Variants in PPM1H observed in about 807,000 individuals in gnomAD.
PPM1H encodes protein phosphatase, Mg2+/Mn2+ dependent 1H.
PPM1H carries 27 observed loss-of-function variants against 54.9 expected under a neutral mutation model. That is an observed-to-expected ratio of 0.49 (90% CI 0.36 to 0.68). PPM1H has a LOEUF of 0.68. Among genes scored for constraint, PPM1H ranks in the 30% least tolerant of loss-of-function variants. The pLI, the probability that PPM1H is intolerant of heterozygous loss-of-function variation, is 0.00. For missense variants in PPM1H, 596 were observed against 667.8 expected (o/e 0.89, Z 1.19); for synonymous variants, 305 against 270.8 (o/e 1.13, Z -1.24).
chr12:62,711,774 C>T (rs1242465466), intron 6 of PPM1H, among the ~76,000 whole-genome samples: 1 of 152,192 alleles, frequency 6.6e-6, no homozygotes, highest in Non-Finnish European at 1.5e-5. Context: ...TGTGTGAGTG[C>T]ATTCATGCGT....
At chr12:62,882,061 T>G (rs1870415697) in intron 1 of PPM1H, among the ~76,000 whole-genome samples, 1 of 152,176 alleles carries the variant, frequency 6.6e-6, no homozygotes, top group Non-Finnish European at 1.5e-5. Context: ...AAAAACAAAG[T>G]AAGTCAAATA....
chr12:62,778,557 G>A (rs565053543), intron 4 of PPM1H, among the ~76,000 whole-genome samples: 2 of 152,282 alleles, frequency 1.3e-5, no homozygotes, highest in East Asian at 1.9e-4. Flanking sequence ...CTAGGTCCTC[G>A]AGTGCCTGAA....
intron 8 of PPM1H, among the ~76,000 whole-genome samples, chr12:62,673,713 C>CTTTTTTTTTTTTTTTTT (rs1192243731): frequency 1.1e-4 from 5 of 47,570 alleles, no homozygotes; most frequent in Non-Finnish European, 2.2e-4. Context: ...AGAAGAGCCA[C>CTTTTTTTTTTTTTTTTT]TCTTTTTTTT....
intron 5 of PPM1H, among the ~76,000 whole-genome samples, chr12:62,730,637 C>T (rs1035568476): frequency 2.0e-5 from 3 of 152,008 alleles, no homozygotes; most frequent in African/African-American, 7.3e-5. Context: ...ACGAATTTTC[C>T]GTGTACAATA....
At chr12:62,734,973 G>C (rs1006461592) in intron 5 of PPM1H, among the ~76,000 whole-genome samples, 1 of 152,178 alleles carries the variant, frequency 6.6e-6, no homozygotes, top group African/African-American at 2.4e-5. Context: ...GGGCCTAGGA[G>C]GTTGAGGCCA....
intron 6 of PPM1H, among the ~76,000 whole-genome samples, chr12:62,698,119 T>TGG (rs1305935836): frequency 6.6e-6 from 1 of 151,868 alleles, no homozygotes; most frequent in Non-Finnish European, 1.5e-5. Flanking sequence ...AAGCCACTGT[T>TGG]GGTTTGGACT....
intron 2 of PPM1H, among the ~76,000 whole-genome samples, chr12:62,829,763 G>A (rs1868330465): frequency 6.6e-6 from 1 of 152,182 alleles, no homozygotes; most frequent in South Asian, 2.1e-4. Context: ...AGGACAAGAA[G>A]TTAAAAAGTC....
intron 9 of PPM1H, among the ~76,000 whole-genome samples, chr12:62,666,714 C>T (rs1378741077): frequency 6.6e-6 from 1 of 151,840 alleles, no homozygotes; most frequent in African/African-American, 2.4e-5. Context: ...AGAGAAAGTA[C>T]CTCTTTTTTT....
intron 1 of PPM1H, among the ~76,000 whole-genome samples, chr12:62,835,344 T>C (rs1288738939): frequency 6.6e-6 from 1 of 152,236 alleles, no homozygotes; most frequent in Non-Finnish European, 1.5e-5. Context: ...GTGACCTGGA[T>C]GATCATGACT....
At chr12:62,913,441 C>T (rs1426748203) in intron 1 of PPM1H, among the ~76,000 whole-genome samples, 1 of 152,108 alleles carries the variant, frequency 6.6e-6, no homozygotes, top group African/African-American at 2.4e-5. Context: ...ATGGAGAGCA[C>T]CCCACAGTTT....
intron 1 of PPM1H, among the ~76,000 whole-genome samples, chr12:62,923,773 GC>G (rs1871880586): frequency 6.6e-6 from 1 of 152,170 alleles, no homozygotes; most frequent in Admixed American, 6.5e-5. Context: ...GAGGCAGCAG[GC>G]CCCACTGTGA....
intron 9 of PPM1H, among the ~76,000 whole-genome samples, chr12:62,654,035 G>GAGTT (rs1344043142): frequency 1.3e-5 from 2 of 151,856 alleles, no homozygotes; most frequent in African/African-American, 4.8e-5. Context: ...TCGGGCCCAG[G>GAGTT]AGTTAGACAC....
At chr12:62,783,762 T>C (rs1045688595) in intron 4 of PPM1H, among the ~76,000 whole-genome samples, 3 of 152,272 alleles carry the variant, frequency 2.0e-5, no homozygotes, top group Admixed American at 1.3e-4. Context: ...AGTAGAATTA[T>C]GAATTTAATA....
At chr12:62,840,286 C>T (rs78514094) in intron 1 of PPM1H, 1,735 of 152,224 alleles carry the variant, frequency 0.011, 12 homozygotes, top group Non-Finnish European at 0.018. Context: ...TCTCTGGGGC[C>T]TCTTTTCTAA....
chr12:62,755,106 T>C (rs921034855), intron 4 of PPM1H: 5 of 379,668 alleles, frequency 1.3e-5, no homozygotes, highest in African/African-American at 6.3e-5. Flanking sequence ...GAATATCATG[T>C]CTTTCTTTTC....
chr12:62,740,042 A>C (rs2076372883), intron 4 of PPM1H, among the ~76,000 whole-genome samples: 1 of 152,158 alleles, frequency 6.6e-6, no homozygotes, highest in Admixed American at 6.5e-5. Flanking sequence ...ATAGAACAAA[A>C]CCATGCTAAA....
intron 2 of PPM1H, among the ~76,000 whole-genome samples, chr12:62,816,514 T>A (rs1259798931): frequency 6.6e-6 from 1 of 152,188 alleles, no homozygotes; most frequent in Non-Finnish European, 1.5e-5. Flanking sequence ...AAAACACTAA[T>A]GAATTCTGTG....
rs955089335 is a variant in PPM1H, at chr12:62,878,499, T to C, written c.246-46220A>G. ...TCAAGACAGAAGTAGCTTTAACACTTGATGGTCTGGTTTTTAAAGTGTGTT... is the reference window on the plus strand; with the variant it reads ...TCAAGACAGAAGTAGCTTTAACACTCGATGGTCTGGTTTTTAAAGTGTGTT... On this transcript the variant is annotated intron_variant, in intron 1 of 9. Transcript: ENST00000228705. Among the ~76,000 whole-genome samples, 3 of 151,988 alleles carry C rather than the reference T, an allele frequency of 2.0e-5. No homozygotes were observed. In the East Asian group the frequency reaches 5.8e-4, roughly 29 times the overall value.
intron 4 of PPM1H, among the ~76,000 whole-genome samples, chr12:62,760,290 C>T (rs961316356): frequency 5.3e-5 from 8 of 152,110 alleles, no homozygotes; most frequent in Admixed American, 5.2e-4. Context: ...CCCAGTGAGA[C>T]TCGTCCCAAA....
Sources: allele counts gnomAD v4.1 joint callset (sites outside exome capture counted in the v4.1 genomes callset), GRCh38; gene constraint gnomAD v4.1.1; transcripts MANE v1.5; gene names NCBI Gene and HGNC (gene_info 2026-07-23, HGNC 2026-07-21).